Variants in XKR6 observed in about 807,000 individuals in gnomAD.
XKR6 encodes the protein XK related 6.
In XKR6, 22 loss-of-function variants were observed where a neutral mutation model predicts 56.7. The ratio of observed to expected loss-of-function variants is 0.39; its 90% CI spans 0.28 to 0.55. The LOEUF (loss-of-function observed/expected upper bound fraction) is 0.55, where lower values mean the gene tolerates loss of function less well. Ranked by LOEUF, XKR6 falls within the 20% of genes least tolerant of loss-of-function variation. The probability of loss-of-function intolerance (pLI) is 0.66; values close to 1 mark genes in which losing one functional copy is unlikely to be tolerated. For missense variants in XKR6, 852 were observed against 889.0 expected, an observed-to-expected ratio of 0.96 and a Z score of 0.53; for synonymous variants, 524 against 387.8, an observed-to-expected ratio of 1.35 and a Z score of -4.13.
intron 1 of XKR6, among the ~76,000 whole-genome samples, chr8:11,065,553 C>T (rs1339040748): frequency 6.6e-6 from 1 of 151,866 alleles, no homozygotes; most frequent in Admixed American, 6.6e-5. Context: ...TTTTTTCTTT[C>T]ACTCTATTTG....
intron 1 of XKR6, among the ~76,000 whole-genome samples, chr8:10,996,735 C>T (rs943402397): frequency 6.6e-6 from 1 of 152,118 alleles, no homozygotes; most frequent in Non-Finnish European, 1.5e-5. Context: ...AGTCTGGGCT[C>T]GGCATGGTGG....
intron 1 of XKR6, among the ~76,000 whole-genome samples, chr8:11,102,258 A>T (rs1311321140): frequency 6.6e-6 from 1 of 152,090 alleles, no homozygotes; most frequent in African/African-American, 2.4e-5. Context: ...GCTCTTTCCC[A>T]TGAGCTCTCC....
chr8:10,957,859 C>A (rs1801941987), intron 1 of XKR6, among the ~76,000 whole-genome samples: 1 of 151,968 alleles, frequency 6.6e-6, no homozygotes, highest in African/African-American at 2.4e-5. Context: ...AAGTTAGGAT[C>A]CAACAACAAT....
At chr8:11,095,021 A>T (rs773416519) in intron 1 of XKR6, among the ~76,000 whole-genome samples, 2 of 152,182 alleles carry the variant, frequency 1.3e-5, no homozygotes, top group Non-Finnish European at 2.9e-5. Flanking sequence ...CATCCTGCAC[A>T]TGTACCTCTG....
At position 11,195,343 on chromosome 8, in the gene XKR6, G is replaced by A. The variant is rs1008879412; in HGVS notation, c.764+5233C>T. The A allele has an allele frequency of 1.2e-5, 7 of 586,386 alleles. No individual in the cohort carries two copies. In the African/African-American group the frequency reaches 1.3e-4, roughly 11 times the overall value. The allele number at this position is 586,386 out of a possible 1,614,324, so 36.3% of individuals were successfully genotyped here. On this transcript the variant is annotated intron_variant, in intron 1 of 2. Coordinates refer to ENST00000416569, the MANE Select transcript of XKR6 (RefSeq NM_173683.4). ...TAGAGATTCATTTTTTTTTCCAAAT[G>A]GATAGTCAACTGCTAATATCATGTT...
chr8:11,005,842 C>CTTTTTTTTTTT (rs56880407), intron 1 of XKR6, among the ~76,000 whole-genome samples: 8 of 121,352 alleles, frequency 6.6e-5, no homozygotes, highest in African/African-American at 1.3e-4. Context: ...TTCTTTCTTT[C>CTTTTTTTTTTT]TTTTTTTTTT....
intron 1 of XKR6, chr8:11,194,840 A>T: frequency 2.5e-6 from 1 of 397,840 alleles, no homozygotes; most frequent in Non-Finnish European, 4.5e-6. Context: ...TTTCAGGAGC[A>T]CCAGCCTTCT....
chr8:11,126,469 T>C (rs1799804752), intron 1 of XKR6, among the ~76,000 whole-genome samples: 1 of 152,172 alleles, frequency 6.6e-6, no homozygotes, highest in African/African-American at 2.4e-5. Flanking sequence ...TTTTTTTTTT[T>C]AAGTTCTAAA....
Position 10,982,573 on chromosome 8 carries a change from G to T in XKR6, c.765-57743C>A, listed in dbSNP as rs576090207. Among the ~76,000 whole-genome samples, 2 of 152,176 alleles carry T rather than the reference G, an allele frequency of 1.3e-5. 1 individual carries two copies. The highest frequency in any genetic ancestry group is 1.3e-4 in the Admixed American group (2 of 15,282). On this transcript the variant is annotated intron_variant, in intron 1 of 2. Transcript: ENST00000416569. ...GCCCTGTTGTGACTAAGGGAAAACG[G>T]GAGAAATGTTCTGTTTGCTGTCAAG... is the stretch of plus-strand genomic sequence containing the variant.
chr8:11,193,533 T>C (rs939377330), intron 1 of XKR6, among the ~76,000 whole-genome samples: 3 of 152,174 alleles, frequency 2.0e-5, no homozygotes, highest in African/African-American at 4.8e-5. Context: ...ATTCCATCTT[T>C]CCTAAAAATT....
chr8:11,106,827 G>C (rs1270029787), intron 1 of XKR6: 1 of 123,012 alleles, frequency 8.1e-6, no homozygotes, highest in Non-Finnish European at 1.6e-5. Context: ...CTCCAGCCTG[G>C]GCAAGAGAGT....
At chr8:11,075,674 T>G (rs1379277840) in intron 1 of XKR6, among the ~76,000 whole-genome samples, 1 of 152,094 alleles carries the variant, frequency 6.6e-6, no homozygotes. Context: ...CATGAGGTCA[T>G]GAGTTTGAGA....
At chr8:11,074,619 G>C (rs564414333) in intron 1 of XKR6, among the ~76,000 whole-genome samples, 9 of 152,258 alleles carry the variant, frequency 5.9e-5, no homozygotes, top group African/African-American at 2.2e-4. Flanking sequence ...TGAGCACTTG[G>C]TATGTACCAG....
intron 1 of XKR6, among the ~76,000 whole-genome samples, chr8:11,014,896 C>CAG (rs1354438907): frequency 6.6e-6 from 1 of 152,222 alleles, no homozygotes; most frequent in African/African-American, 2.4e-5. Flanking sequence ...GCTGCCCCTC[C>CAG]ACTGTCTCAG....
At chr8:10,961,510 C>G (rs1342950720) in intron 1 of XKR6, among the ~76,000 whole-genome samples, 1 of 152,212 alleles carries the variant, frequency 6.6e-6, no homozygotes, top group Non-Finnish European at 1.5e-5. Context: ...AGCCTTGGCT[C>G]AGAGTGAACA....
At chr8:11,057,575 G>A (rs1487152660) in intron 1 of XKR6, among the ~76,000 whole-genome samples, 2 of 152,212 alleles carry the variant, frequency 1.3e-5, no homozygotes, top group Non-Finnish European at 2.9e-5. Flanking sequence ...ATTCCCATGA[G>A]TTCCCACGGT....
At chr8:11,199,647 G>C (rs1804087268) in intron 1 of XKR6, among the ~76,000 whole-genome samples, 1 of 152,188 alleles carries the variant, frequency 6.6e-6, no homozygotes, top group African/African-American at 2.4e-5. Context: ...GTGTGAATGG[G>C]TTCATTTCCT....
chr8:10,989,724 T>C (rs949974258), intron 1 of XKR6, among the ~76,000 whole-genome samples: 4 of 152,220 alleles, frequency 2.6e-5, no homozygotes, highest in African/African-American at 9.6e-5. Flanking sequence ...ATAGTGCCTA[T>C]CACATAGCAC....
chr8:10,921,991 G>A (rs1037793342), intron 2 of XKR6, among the ~76,000 whole-genome samples: 1 of 152,150 alleles, frequency 6.6e-6, no homozygotes, highest in African/African-American at 2.4e-5. Flanking sequence ...TACAAAAGAG[G>A]CTTCATACAG....
Sources: allele counts gnomAD v4.1 joint callset (sites outside exome capture counted in the v4.1 genomes callset), GRCh38; gene constraint gnomAD v4.1.1; transcripts MANE v1.5; gene names NCBI Gene and HGNC (gene_info 2026-07-23, HGNC 2026-07-21).